Variants in IFNK observed in about 807,000 individuals in gnomAD.
The protein encoded by IFNK is interferon kappa, also known as IFN-kappa.
In IFNK, 13 loss-of-function variants were observed where a neutral mutation model predicts 12.0. The observed-to-expected ratio is 1.08, with a 90% CI of 0.70 to 1.72. IFNK has a LOEUF of 1.72. Among genes scored for constraint, IFNK ranks in the 40% most tolerant of loss-of-function variants. The pLI, the probability that IFNK is intolerant of heterozygous loss-of-function variation, is 0.00. For missense variants in IFNK, 248 were observed against 237.0 expected, an observed-to-expected ratio of 1.05 and a Z score of -0.30; for synonymous variants, 94 against 82.3, an observed-to-expected ratio of 1.14 and a Z score of -0.77.
Position 27,524,821 on chromosome 9 carries a change from T to C in IFNK, c.485T>C (p.Leu162Pro), listed in dbSNP as rs1187344948. The change falls in exon 1 of 2, where the codon CTG (leucine) becomes CCG (proline). Residue 162 changes from leucine (L) to proline (P), a missense_variant. Coordinates refer to ENST00000276943, the MANE Select transcript of IFNK (RefSeq NM_020124.3). ...GTCCCCCAGCTGAGCAGCCTGGAACTGAGGAGATATTTCCACAGGATAGAC... is the reference window on the plus strand; with the variant it reads ...GTCCCCCAGCTGAGCAGCCTGGAACCGAGGAGATATTTCCACAGGATAGAC... ...ARVPQLSSLELRRYFHRIDNF... is the reference protein window; with the variant it reads ...ARVPQLSSLEPRRYFHRIDNF... The C allele has an allele frequency of 3.7e-6, 6 of 1,613,936 alleles. No homozygotes were observed. Among genetic ancestry groups the C allele is most frequent in the Non-Finnish European group, 5.1e-6 (6 of 1,179,994 alleles).
chr9:27,526,465 C>G lies in IFNK; in HGVS notation c.*460C>G, dbSNP rs1001762320. ...TATACTTGCTATTTTTCATGACTTT[C>G]TCTAATAAAGTCTTTGCCTGTTCTC... On this transcript the variant is annotated 3_prime_UTR_variant, in exon 2 of 2. Transcript: ENST00000276943. The G allele has an allele frequency of 3.3e-5, 5 of 152,218 alleles. No homozygotes were observed. The highest frequency in any genetic ancestry group is 2.1e-4 in the South Asian group (1 of 4,832). The allele number at this position is 152,218 out of a possible 1,614,324, so 9.4% of individuals were successfully genotyped here. A position where few individuals can be genotyped will look rare whatever the true frequency, so the allele number is the denominator to read the frequency against.
Position 27,525,066 on chromosome 9 carries a change from T to C in IFNK, c.*1+105T>C, listed in dbSNP as rs747144388. The stretch of plus-strand genomic sequence containing the variant: ...GTTGTGCTGTCCTGTAAGCCTGTCC[T>C]CAGTTGGACTGGTAGCCTCGGAACA... On this transcript the variant is annotated intron_variant, in intron 1 of 1. Coordinates refer to ENST00000276943, the MANE Select transcript of IFNK (RefSeq NM_020124.3). The C allele has an allele frequency of 6.1e-4, 589 of 962,906 alleles. 2 individuals carry two copies. The highest frequency in any genetic ancestry group is 7.6e-4 in the Non-Finnish European group (507 of 668,032). The allele number at this position is 962,906 out of a possible 1,614,324, so 59.6% of individuals were successfully genotyped here. A position where few individuals can be genotyped will look rare whatever the true frequency, so the allele number is the denominator to read the frequency against.
rs1250234610 is a variant in IFNK at position 27,524,708 on chromosome 9, C to A, written c.372C>A (p.Tyr124Ter). ...IQIGLDQQAE[Y>*]LNQCLEEDKN... The stretch of plus-strand genomic sequence containing the variant: ...TAGGACTTGATCAGCAAGCAGAGTA[C>A]CTGAACCAATGCTTGGAGGAAGACA... The change falls in exon 1 of 2, where the codon TAC becomes TAA. Residue 124 changes from tyrosine to a stop codon, truncating the protein, a stop_gained. Transcript: ENST00000276943. LOFTEE classifies it high-confidence loss of function. 1 of 1,613,904 alleles carries A rather than the reference C, an allele frequency of 6.2e-7. No individual in the cohort carries two copies. The highest frequency in any genetic ancestry group is 2.2e-5 in the East Asian group (1 of 44,858).
In IFNK at chr9:27,524,741, A is replaced by C. The variant is rs1165399943; in HGVS notation, c.405A>C (p.Glu135Asp). 1.7e-5 allele frequency: 28 copies of C among 1,613,898 alleles called. No homozygotes were observed. Among genetic ancestry groups the C allele is most frequent in the Non-Finnish European group, 2.3e-5 (27 of 1,179,942 alleles). The change falls in exon 1 of 2, where the codon GAA becomes GAC. Residue 135 changes from glutamate (E) to aspartate (D), a missense_variant. By Grantham distance (45) the Glu-to-Asp change is conservative. Coordinates refer to ENST00000276943, the MANE Select transcript of IFNK (RefSeq NM_020124.3). ...AATGCTTGGAGGAAGACAAGAATGA[A>C]AATGAAGACATGAAAGAAATGAAAG... is the stretch of plus-strand genomic sequence containing the variant. ...LNQCLEEDKN[E>D]NEDMKEMKEN...
Position 27,524,704 on chromosome 9 carries a change from AGTACCTGAAC to A in IFNK, c.369_378del (p.Glu123AspfsTer14). On this transcript the variant is annotated frameshift_variant, in exon 1 of 2. Transcript: ENST00000276943. LOFTEE classifies it high-confidence loss of function. The stretch of plus-strand genomic sequence containing the variant: ...CAAATAGGACTTGATCAGCAAGCAG[AGTACCTGAAC>A]CAATGCTTGGAGGAAGACAAGAATG... The A allele has an allele frequency of 3.1e-6, 5 of 1,614,086 alleles. No homozygotes were observed. Among genetic ancestry groups the A allele is most frequent in the Non-Finnish European group, 4.2e-6 (5 of 1,179,974 alleles).
At position 27,524,479 on chromosome 9, in the gene IFNK, T is replaced by G. The variant is rs1296720017; in HGVS notation, c.143T>G (p.Leu48Arg). The change falls in exon 1 of 2, where the codon CTG becomes CGG. Residue 48 changes from leucine to arginine, a missense_variant. Leu to Arg is a moderately radical substitution (Grantham distance 102, BLOSUM62 -2). Transcript: ENST00000276943. The part of the protein sequence containing the change: ...RRVTWQNLRH[L>R]SSMSNSFPVE... ...GTCACCTGGCAAAATCTGAGACATC[T>G]GAGTAGTATGAGCAATTCATTTCCT... 1 of 1,613,940 alleles carries G rather than the reference T, an allele frequency of 6.2e-7. No homozygotes were observed. The highest frequency in any genetic ancestry group is 2.2e-5 in the East Asian group (1 of 44,888).
chr9:27,524,804 G>A lies in IFNK; in HGVS notation c.468G>A (p.Gln156=), dbSNP rs377597920. The A allele has an allele frequency of 1.1e-5, 17 of 1,613,984 alleles. No individual in the cohort carries two copies. Among genetic ancestry groups the A allele is most frequent in the Non-Finnish European group, 1.4e-5 (16 of 1,179,996 alleles). ...AACCCTCAGAAGCCAGGGTCCCCCA[G>A]CTGAGCAGCCTGGAACTGAGGAGAT... The part of the protein sequence containing the change: ...EMKPSEARVP[Q]LSSLELRRYF... The change falls in exon 1 of 2, where the codon CAG becomes CAA. Residue 156 remains glutamine, a synonymous_variant. Transcript: ENST00000276943.
In IFNK at chr9:27,524,943, C is replaced by T. The variant is rs1217661969; in HGVS notation, c.607C>T (p.Leu203=). The T allele has an allele frequency of 1.9e-6, 3 of 1,596,810 alleles. No homozygotes were observed. The highest frequency in any genetic ancestry group is 2.7e-5 in the African/African-American group (2 of 73,786). Residue 203 remains leucine (L), a synonymous_variant, in exon 1 of 2, where the codon CTA becomes TTA. Coordinates refer to ENST00000276943, the MANE Select transcript of IFNK (RefSeq NM_020124.3). The part of the protein sequence containing the change: ...CLYYFYKFTA[L]FRRK The stretch of plus-strand genomic sequence containing the variant: ...GTATTACTTTTACAAATTTACAGCT[C>T]TATTCAGGAGGAAATAAGGTATATT...
chr9:27,524,499 T>C lies in IFNK; in HGVS notation c.163T>C (p.Phe55Leu), dbSNP rs1456814201. Residue 55 changes from phenylalanine (F) to leucine (L), a missense_variant, in exon 1 of 2, where the codon TTT becomes CTT. Transcript: ENST00000276943. ...ACATCTGAGTAGTATGAGCAATTCA[T>C]TTCCTGTAGAATGTCTACGAGAAAA... ...LRHLSSMSNS[F>L]PVECLRENIA... 7 of 1,614,000 alleles carry C rather than the reference T, an allele frequency of 4.3e-6. No individual in the cohort carries two copies. In the Admixed American group the frequency reaches 6.7e-5, roughly 15 times the overall value.
chr9:27,525,659 T>C (rs1478664439), intron 1 of IFNK, among the ~76,000 whole-genome samples: 1 of 152,166 alleles, frequency 6.6e-6, no homozygotes, highest in African/African-American at 2.4e-5. Context: ...CTGATGTATA[T>C]TGTTTGATTC....
chr9:27,526,224 C>G lies in IFNK; in HGVS notation c.*219C>G, dbSNP rs73643406. The G allele has an allele frequency of 4.6e-5, 7 of 152,220 alleles. No homozygotes were observed. Among genetic ancestry groups the G allele is most frequent in the African/African-American group, 1.7e-4 (7 of 41,532 alleles). 9.4% of individuals were successfully genotyped at this position (152,220 alleles called of 1,614,324 possible). On this transcript the variant is annotated 3_prime_UTR_variant, in exon 2 of 2. Coordinates refer to ENST00000276943, the MANE Select transcript of IFNK (RefSeq NM_020124.3). ...AGAAAGTCTTATGATAAAAGTGAGG[C>G]AAATTTCAGCCAAGAAGTTAGAAGA...
At position 27,524,438 on chromosome 9, in the gene IFNK, C is replaced by G. The variant is rs747160794; in HGVS notation, c.102C>G (p.Asn34Lys). The change falls in exon 1 of 2, where the codon AAC (asparagine) becomes AAG (lysine). Residue 34 changes from asparagine (N) to lysine (K), a missense_variant. Transcript: ENST00000276943. ...TATCCCTGGACTGTAACTTACTGAA[C>G]GTTCACCTGAGAAGAGTCACCTGGC... ...GTLSLDCNLL[N>K]VHLRRVTWQN... 1.2e-5 allele frequency: 20 copies of G among 1,614,080 alleles called. No individual in the cohort carries two copies. The highest frequency in any genetic ancestry group is 1.7e-5 in the Non-Finnish European group (20 of 1,179,986).
Position 27,526,046 on chromosome 9 carries a change from C to T in IFNK, c.*41C>T, listed in dbSNP as rs1234367633. On this transcript the variant is annotated 3_prime_UTR_variant, in exon 2 of 2. Coordinates refer to ENST00000276943, the MANE Select transcript of IFNK (RefSeq NM_020124.3). Reference sequence around the variant, plus strand: ...AAGCAAGAATTAACAGAGATTGTGGCTACGCAAATGCACCAAAAAAGGGTG... The same window carrying T: ...AAGCAAGAATTAACAGAGATTGTGGTTACGCAAATGCACCAAAAAAGGGTG... The T allele has an allele frequency of 6.6e-6, 1 of 152,046 alleles. No homozygotes were observed. Among genetic ancestry groups the T allele is most frequent in the Non-Finnish European group, 1.5e-5 (1 of 68,038 alleles). The allele number at this position is 152,046 out of a possible 1,614,324, so 9.4% of individuals were successfully genotyped here.
rs1440191841 is a variant in IFNK, at chr9:27,526,435, A to G, written c.*430A>G. The G allele has an allele frequency of 6.6e-6, 1 of 152,252 alleles. No homozygotes were observed. Among genetic ancestry groups the G allele is most frequent in the Non-Finnish European group, 1.5e-5 (1 of 68,038 alleles). 9.4% of individuals were successfully genotyped at this position (152,252 alleles called of 1,614,324 possible). On this transcript the variant is annotated 3_prime_UTR_variant, in exon 2 of 2. Transcript: ENST00000276943. ...TAGGACATGCAAGCTACTGAGCATA[A>G]AATATATACTTGCTATTTTTCATGA...
At chr9:27,525,078 G>A in intron 1 of IFNK, 117 bp downstream of exon 1, 2 of 867,120 alleles carry the variant, frequency 2.3e-6, no homozygotes, top group Non-Finnish European at 3.4e-6. Flanking sequence ...AGTTGGACTG[G>A]TAGCCTCGGA....
chr9:27,524,876 CTG>C lies in IFNK; in HGVS notation c.543_544del (p.Ala182LeufsTer132). On this transcript the variant is annotated frameshift_variant, in exon 1 of 2. Transcript: ENST00000276943. LOFTEE classifies it low-confidence loss of function (END_TRUNC). Reference sequence around the variant, plus strand: ...TCCTGAAAGAAAAGAAATACAGTGACTGTGCCTGGGAGATTGTCCGAGTGGAA... The same window carrying C: ...TCCTGAAAGAAAAGAAATACAGTGACTGCCTGGGAGATTGTCCGAGTGGAA... ...NFLKEKKYSD[C>X]AWEIVRVEIR... 6.2e-7 allele frequency: 1 copy of C among 1,613,984 alleles called. No individual in the cohort carries two copies.
At chr9:27,525,009 C>T (rs1820413003) in intron 1 of IFNK, 48 bp downstream of exon 1, 4 of 1,419,764 alleles carry the variant, frequency 2.8e-6, no homozygotes, top group Non-Finnish European at 9.5e-7. Context: ...ATCTCTTTCT[C>T]CTTCTCCTCC....
chr9:27,525,450 C>T (rs747966409), intron 1 of IFNK, among the ~76,000 whole-genome samples: 2 of 152,078 alleles, frequency 1.3e-5, no homozygotes. Flanking sequence ...CCCTCCTGCT[C>T]GGGGGGAAAA....
chr9:27,525,902 C>T (rs1820429210), intron 1 of IFNK, 105 bp from the exon 2 acceptor site: 1 of 152,134 alleles, frequency 6.6e-6, no homozygotes, highest in Non-Finnish European at 1.5e-5. Context: ...AGCCAGACTA[C>T]CTAGATTATT....
Sources: allele counts gnomAD v4.1 joint callset (sites outside exome capture counted in the v4.1 genomes callset), GRCh38; gene constraint gnomAD v4.1.1; transcripts MANE v1.5; gene names NCBI Gene and HGNC (gene_info 2026-07-23, HGNC 2026-07-21).